The following GPR176 variants were observed in gnomAD, a reference collection of about 807,000 sequenced individuals.
The protein encoded by GPR176 is G protein-coupled receptor 176.
In GPR176, 26 loss-of-function variants were observed where a neutral mutation model predicts 35.4. The ratio of observed to expected loss-of-function variants is 0.74; its 90% CI spans 0.54 to 1.02. The LOEUF (loss-of-function observed/expected upper bound fraction) is 1.02, where lower values mean the gene tolerates loss of function less well. GPR176 is among the 50% of genes least tolerant of loss of function. The pLI is 0.00. For synonymous variants in GPR176, 278 were observed against 271.3 expected (o/e 1.02, Z -0.24); for missense variants, 597 against 665.3 (o/e 0.90, Z 1.13).
chr15:39,861,209 A>G (rs2031566965), intron 1 of GPR176, among the ~76,000 whole-genome samples: 1 of 152,160 alleles, frequency 6.6e-6, no homozygotes, highest in African/African-American at 2.4e-5. Flanking sequence ...TCTTTTTAGG[A>G]ACTACTTTAC....
chr15:39,814,484 G>A (rs977372019), intron 1 of GPR176, among the ~76,000 whole-genome samples: 5 of 151,810 alleles, frequency 3.3e-5, no homozygotes, highest in African/African-American at 1.2e-4. Context: ...CCATTCCTTC[G>A]TTAATCTGTA....
chr15:39,883,452 T>C (rs576583981), intron 1 of GPR176, among the ~76,000 whole-genome samples: 2 of 152,274 alleles, frequency 1.3e-5, no homozygotes, highest in East Asian at 3.9e-4. Flanking sequence ...ACAATTCAAA[T>C]AGTTTGGGGT....
At chr15:39,869,840 A>T (rs1283854748) in intron 1 of GPR176, among the ~76,000 whole-genome samples, 1 of 152,200 alleles carries the variant, frequency 6.6e-6, no homozygotes, top group East Asian at 1.9e-4. Context: ...AAATGTAGAC[A>T]TCATAGATGT....
chr15:39,861,184 C>A (rs764877163), intron 1 of GPR176, among the ~76,000 whole-genome samples: 1 of 152,132 alleles, frequency 6.6e-6, no homozygotes, highest in Non-Finnish European at 1.5e-5. Flanking sequence ...CATGACATAA[C>A]GTAAACATGG....
At chr15:39,882,927 T>C (rs569047754) in intron 1 of GPR176, among the ~76,000 whole-genome samples, 2 of 152,232 alleles carry the variant, frequency 1.3e-5, no homozygotes, top group Non-Finnish European at 2.9e-5. Context: ...TAGCTTCAAG[T>C]GGCAAATGTC....
intron 1 of GPR176, among the ~76,000 whole-genome samples, chr15:39,859,956 C>A (rs2031486727): frequency 1.3e-5 from 2 of 148,630 alleles, no homozygotes. Context: ...AAATATGTGG[C>A]ATGTGTTTTT....
At chr15:39,913,862 C>T (rs556859881) in intron 1 of GPR176, among the ~76,000 whole-genome samples, 17 of 152,100 alleles carry the variant, frequency 1.1e-4, no homozygotes, top group Non-Finnish European at 2.2e-4. Flanking sequence ...CTGGCTAACA[C>T]GGTGAAACCC....
chr15:39,882,840 A>G (rs2032528419), intron 1 of GPR176, among the ~76,000 whole-genome samples: 1 of 152,248 alleles, frequency 6.6e-6, no homozygotes, highest in South Asian at 2.1e-4. Context: ...AAGGGTGCTC[A>G]TGCAGACTTT....
intron 1 of GPR176, chr15:39,807,712 A>AT: frequency 1.6e-6 from 1 of 616,964 alleles, no homozygotes; most frequent in South Asian, 2.0e-5. Flanking sequence ...AGCAGGTGAG[A>AT]TTTTAATAAT....
chr15:39,807,506 C>G, intron 1 of GPR176: 1 of 1,409,386 alleles, frequency 7.1e-7, no homozygotes, highest in South Asian at 1.5e-5. Flanking sequence ...TAATTTTGGG[C>G]AAAATAGTAT....
At chr15:39,829,269 T>A in intron 1 of GPR176, 3 of 1,435,858 alleles carry the variant, frequency 2.1e-6, no homozygotes, top group Non-Finnish European at 2.7e-6. Context: ...GACTCGGGCA[T>A]CAGAATGGAT....
chr15:39,801,729 A>G lies in GPR176; in HGVS notation c.951T>C (p.Pro317=). Residue 317 remains proline (P), a synonymous_variant, in exon 3 of 3, where the codon CCT becomes CCC. Transcript: ENST00000561100. Reference sequence around the variant, plus strand: ...ATTTGTTCACAGTAAGAAAGAGAACAGGGTTTGCCAGCAGGGAGACTTTGG... The same window carrying G: ...ATTTGTTCACAGTAAGAAAGAGAACGGGGTTTGCCAGCAGGGAGACTTTGG... ...WLPKVSLLAN[P]VLFLTVNKSV... is the part of the protein sequence containing the mutation. 1 of 1,613,862 alleles carries G rather than the reference A, an allele frequency of 6.2e-7. No homozygotes were observed. The highest frequency in any genetic ancestry group is 8.5e-7 in the Non-Finnish European group (1 of 1,179,824).
chr15:39,877,772 G>C (rs566348845), intron 1 of GPR176, among the ~76,000 whole-genome samples: 3 of 152,032 alleles, frequency 2.0e-5, no homozygotes, highest in South Asian at 2.1e-4. Context: ...ATATTAGCCA[G>C]GCTGGTCTCA....
At chr15:39,899,798 G>A (rs1158357465) in intron 1 of GPR176, among the ~76,000 whole-genome samples, 2 of 152,166 alleles carry the variant, frequency 1.3e-5, no homozygotes, top group Non-Finnish European at 2.9e-5. Context: ...TTGACAAGGT[G>A]TTATCAAGAT....
At chr15:39,897,142 T>C (rs2033137031) in intron 1 of GPR176, among the ~76,000 whole-genome samples, 1 of 152,154 alleles carries the variant, frequency 6.6e-6, no homozygotes, top group African/African-American at 2.4e-5. Context: ...ACTCCAAGCA[T>C]GTCAGCTAGA....
intron 1 of GPR176, among the ~76,000 whole-genome samples, chr15:39,815,766 C>A (rs947925293): frequency 6.6e-6 from 1 of 152,126 alleles, no homozygotes; most frequent in African/African-American, 2.4e-5. Context: ...AACAAGAGAA[C>A]TATCCCATGA....
At chr15:39,887,808 G>T (rs2032726548) in intron 1 of GPR176, among the ~76,000 whole-genome samples, 1 of 152,172 alleles carries the variant, frequency 6.6e-6, no homozygotes, top group South Asian at 2.1e-4. Context: ...GTATGTTGAA[G>T]GGTAGCTGAA....
At chr15:39,841,810 C>T (rs980924729) in intron 1 of GPR176, among the ~76,000 whole-genome samples, 3 of 152,102 alleles carry the variant, frequency 2.0e-5, no homozygotes, top group Admixed American at 6.6e-5. Flanking sequence ...GATAGGTTTA[C>T]GAGGCTACAT....
chr15:39,885,487 A>G (rs2032640596), intron 1 of GPR176, among the ~76,000 whole-genome samples: 1 of 152,252 alleles, frequency 6.6e-6, no homozygotes, highest in Non-Finnish European at 1.5e-5. Context: ...CAAGTCTTCC[A>G]ATTAATTAAG....
Sources: allele counts gnomAD v4.1 joint callset (sites outside exome capture counted in the v4.1 genomes callset), GRCh38; gene constraint gnomAD v4.1.1; transcripts MANE v1.5; gene names NCBI Gene and HGNC (gene_info 2026-07-23, HGNC 2026-07-21).